The following OXR1 variants were observed in gnomAD, a reference collection of about 807,000 sequenced individuals.
OXR1 encodes the protein oxidation resistance protein 1.
A neutral mutation model predicts 104.6 loss-of-function variants in OXR1; 41 were observed. That is an observed-to-expected ratio of 0.39 (90% CI 0.31 to 0.51). The LOEUF is 0.51. Ranked by LOEUF, OXR1 falls within the 20% of genes least tolerant of loss-of-function variation. OXR1 has a pLI of 0.77. For missense variants in OXR1, 955 were observed against 1,031.9 expected, an observed-to-expected ratio of 0.93 and a Z score of 1.02; for synonymous variants, 348 against 348.4, an observed-to-expected ratio of 1.00 and a Z score of 0.01.
chr8:106,276,630 C>G (rs1463568479), intron 1 of OXR1, among the ~76,000 whole-genome samples: 1 of 151,766 alleles, frequency 6.6e-6, no homozygotes, highest in African/African-American at 2.4e-5. Context: ...ATCCAAACCT[C>G]TTTCTCAAGA....
At chr8:106,616,955 T>C (rs1486882067) in intron 3 of OXR1, among the ~76,000 whole-genome samples, 1 of 152,198 alleles carries the variant, frequency 6.6e-6, no homozygotes, top group Non-Finnish European at 1.5e-5. Context: ...ACAGTATGTA[T>C]ATATCTCAGT....
Position 106,618,689 on chromosome 8 carries a change from A to G in OXR1, c.221-60521A>G, listed in dbSNP as rs557274769. On this transcript the variant is annotated intron_variant, in intron 3 of 16. Transcript: ENST00000517566. ...CTCGGGTAATGGCAGTGATCAAGTCACATGCTCTCACTTTTGTCACCACTG... is the reference window on the plus strand; with the variant it reads ...CTCGGGTAATGGCAGTGATCAAGTCGCATGCTCTCACTTTTGTCACCACTG... Among the ~76,000 whole-genome samples the G allele has an allele frequency of 2.0e-5, 3 of 152,302 alleles. No individual in the cohort carries two copies. In the South Asian group the frequency reaches 6.2e-4, roughly 32 times the overall value.
At chr8:106,606,503 G>C (rs543192358) in intron 3 of OXR1, among the ~76,000 whole-genome samples, 1 of 150,316 alleles carries the variant, frequency 6.7e-6, no homozygotes, top group Non-Finnish European at 1.5e-5. Context: ...CTAGAAACAG[G>C]GTTTCACCAT....
In OXR1 at chr8:106,739,682, G is replaced by A. The variant is rs28924686; in HGVS notation, c.2163+99G>A. ...TTGTTTCTGAAGCAACAGCGTTAAT[G>A]CTATTACTATTCCACTCCAGTGAAA... is the stretch of plus-strand genomic sequence containing the variant. On this transcript the variant is annotated intron_variant, in intron 13 of 16. Coordinates refer to ENST00000517566, the MANE Select transcript of OXR1 (RefSeq NM_001198533.2). 596 of 1,099,376 alleles carry A rather than the reference G, an allele frequency of 5.4e-4. 3 individuals carry two copies. The East Asian group carries it at 0.013, about 23-fold the overall frequency. The allele number at this position is 1,099,376 out of a possible 1,614,324, so 68.1% of individuals were successfully genotyped here. A position where few individuals can be genotyped will look rare whatever the true frequency, so the allele number is the denominator to read the frequency against.
chr8:106,402,852 G>T (rs568175004), intron 2 of OXR1, among the ~76,000 whole-genome samples: 3 of 151,318 alleles, frequency 2.0e-5, no homozygotes, highest in African/African-American at 7.3e-5. Flanking sequence ...ACAGAATCTC[G>T]CTCTGTCGCC....
chr8:106,408,212 T>C (rs1818317633), intron 2 of OXR1, among the ~76,000 whole-genome samples: 1 of 152,200 alleles, frequency 6.6e-6, no homozygotes, highest in African/African-American at 2.4e-5. Context: ...GAATGGTTCT[T>C]CTCTCTGGAA....
At chr8:106,333,837 A>C (rs1814840207) in intron 1 of OXR1, among the ~76,000 whole-genome samples, 1 of 152,268 alleles carries the variant, frequency 6.6e-6, no homozygotes, top group African/African-American at 2.4e-5. Context: ...TCCTATGCCA[A>C]TACCACACTG....
intron 1 of OXR1, among the ~76,000 whole-genome samples, chr8:106,274,617 G>A (rs372272873): frequency 9.6e-5 from 5 of 52,164 alleles, no homozygotes; most frequent in African/African-American, 1.9e-4. Flanking sequence ...CCCCGACCCC[G>A]CCCTTTCTCC....
intron 3 of OXR1, among the ~76,000 whole-genome samples, chr8:106,571,782 T>C (rs1180034329): frequency 6.6e-6 from 1 of 152,086 alleles, no homozygotes; most frequent in African/African-American, 2.4e-5. Flanking sequence ...GTTATGCACT[T>C]CTAAAACACA....
chr8:106,338,178 C>G (rs894517504), intron 1 of OXR1, among the ~76,000 whole-genome samples: 1 of 152,092 alleles, frequency 6.6e-6, no homozygotes, highest in Non-Finnish European at 1.5e-5. Context: ...TTTAAAGGAG[C>G]ATATGCAGTC....
intron 2 of OXR1, among the ~76,000 whole-genome samples, chr8:106,514,085 T>C (rs892762495): frequency 2.0e-5 from 3 of 152,158 alleles, no homozygotes; most frequent in Admixed American, 6.6e-5. Context: ...CAGCACCCAT[T>C]TTCCTTTGGG....
At chr8:106,356,148 C>T (rs921016986) in intron 1 of OXR1, among the ~76,000 whole-genome samples, 2 of 152,152 alleles carry the variant, frequency 1.3e-5, no homozygotes, top group Admixed American at 6.5e-5. Flanking sequence ...TAGACTTCTA[C>T]CCTCCCACAG....
chr8:106,505,054 A>T (rs1373973270), intron 2 of OXR1, among the ~76,000 whole-genome samples: 1 of 152,230 alleles, frequency 6.6e-6, no homozygotes, highest in Admixed American at 6.5e-5. Flanking sequence ...GTATTCAGTC[A>T]TAATTTTCAG....
intron 2 of OXR1, among the ~76,000 whole-genome samples, chr8:106,445,228 T>C (rs1184029801): frequency 2.0e-5 from 3 of 152,194 alleles, no homozygotes; most frequent in Admixed American, 2.0e-4. Context: ...GGACTAGTGA[T>C]ACGTTTGCAG....
At chr8:106,623,573 T>C (rs1207344294) in intron 3 of OXR1, among the ~76,000 whole-genome samples, 1 of 152,080 alleles carries the variant, frequency 6.6e-6, no homozygotes, top group African/African-American at 2.4e-5. Flanking sequence ...AGAAGTCTTG[T>C]GACAGCTGAA....
chr8:106,428,507 G>T (rs969736847), intron 2 of OXR1, among the ~76,000 whole-genome samples: 1 of 152,146 alleles, frequency 6.6e-6, no homozygotes, highest in Admixed American at 6.5e-5. Flanking sequence ...AATGGATATG[G>T]AGGCCACTGG....
intron 3 of OXR1, among the ~76,000 whole-genome samples, chr8:106,664,400 T>G (rs1826070226): frequency 6.6e-6 from 1 of 152,252 alleles, no homozygotes; most frequent in South Asian, 2.1e-4. Context: ...ATGCTGATGC[T>G]GCTGGTCTGG....
At chr8:106,332,576 A>G (rs563259193) in intron 1 of OXR1, among the ~76,000 whole-genome samples, 48 of 152,258 alleles carry the variant, frequency 3.2e-4, no homozygotes, top group African/African-American at 1.1e-3. Context: ...TCCTTTGGCT[A>G]TACATTAATT....
At chr8:106,550,204 C>G (rs1586796039) in intron 3 of OXR1, among the ~76,000 whole-genome samples, 1 of 152,278 alleles carries the variant, frequency 6.6e-6, no homozygotes, top group East Asian at 1.9e-4. Context: ...AGATGTTCAC[C>G]AGCAGATAGT....
Sources: allele counts gnomAD v4.1 joint callset (sites outside exome capture counted in the v4.1 genomes callset), GRCh38; gene constraint gnomAD v4.1.1; transcripts MANE v1.5; gene names NCBI Gene and HGNC (gene_info 2026-07-23, HGNC 2026-07-21).